Variants in LOC400499 observed in about 807,000 individuals in gnomAD.
chr16:11,488,789 A>G, the LOC400499 span: 1 of 398,908 alleles, frequency 2.5e-6, no homozygotes, highest in Non-Finnish European at 4.4e-6. Context: ...GTCCTCGGGG[A>G]GGGTGTCCCG....
the LOC400499 span, among the ~76,000 whole-genome samples, chr16:11,425,998 A>T: frequency 5.9e-5 from 9 of 152,240 alleles, no homozygotes; most frequent in Non-Finnish European, 1.5e-5. Flanking sequence ...AAAGAAAAAA[A>T]TGCAGGGAAT....
chr16:11,459,314 A>C, the LOC400499 span, among the ~76,000 whole-genome samples: 1 of 145,916 alleles, frequency 6.9e-6, no homozygotes, highest in Non-Finnish European at 1.5e-5. Flanking sequence ...CTCCTGCCTC[A>C]GCCTCCCGAG....
At chr16:11,445,258 T>C in the LOC400499 span, among the ~76,000 whole-genome samples, 2 of 151,896 alleles carry the variant, frequency 1.3e-5, no homozygotes, top group Non-Finnish European at 2.9e-5. Flanking sequence ...CAGTCTCTAC[T>C]AAAAATACAA....
At chr16:11,392,555 T>TC in the LOC400499 span, 109 of 387,128 alleles carry the variant, frequency 2.8e-4, 1 homozygote, top group Middle Eastern at 6.3e-4. Context: ...GGCTGCCCAC[T>TC]CCCCCTCCAC....
the LOC400499 span, among the ~76,000 whole-genome samples, chr16:11,386,886 G>A: frequency 6.6e-6 from 1 of 152,330 alleles, no homozygotes; most frequent in South Asian, 2.1e-4. Context: ...GGAGGGAGCT[G>A]GCCTGAAGCC....
chr16:11,389,376 TG>T, the LOC400499 span, among the ~76,000 whole-genome samples: 30 of 152,228 alleles, frequency 2.0e-4, no homozygotes, highest in African/African-American at 7.2e-4. Context: ...GGTTTTTGTG[TG>T]TTAAAAAGAT....
At chr16:11,410,183 G>C in the LOC400499 span, among the ~76,000 whole-genome samples, 3,656 of 152,320 alleles carry the variant, frequency 0.024, 52 homozygotes, top group Non-Finnish European at 0.034. Flanking sequence ...GCTGGGCGCA[G>C]TGGCTCACGC....
chr16:11,500,787 G>C, the LOC400499 span: 3 of 399,168 alleles, frequency 7.5e-6, no homozygotes, highest in Admixed American at 4.4e-5. Flanking sequence ...GGCCCCGGGT[G>C]GGGTGCAGGG....
At chr16:11,469,457 G>C in the LOC400499 span, 2 of 398,976 alleles carry the variant, frequency 5.0e-6, no homozygotes, top group Non-Finnish European at 8.8e-6. Context: ...CCTGCCCCGG[G>C]TGTGGCACCG....
the LOC400499 span, among the ~76,000 whole-genome samples, chr16:11,496,703 C>A: frequency 2.0e-5 from 3 of 152,036 alleles, no homozygotes; most frequent in Non-Finnish European, 4.4e-5. Context: ...TGTGTGCCCA[C>A]GCACAGCCCA....
chr16:11,427,876 G>A, the LOC400499 span, among the ~76,000 whole-genome samples: 4 of 152,166 alleles, frequency 2.6e-5, no homozygotes, highest in Non-Finnish European at 4.4e-5. Context: ...ATCTATTTGG[G>A]TGTAAGGTGT....
chr16:11,514,544 G>A, the LOC400499 span: 7 of 400,046 alleles, frequency 1.7e-5, no homozygotes, highest in Non-Finnish European at 2.6e-5. Context: ...GCCGGGCTGC[G>A]GACCAAGAGG....
chr16:11,406,683 C>T, the LOC400499 span, among the ~76,000 whole-genome samples: 2 of 152,232 alleles, frequency 1.3e-5, no homozygotes, highest in Non-Finnish European at 2.9e-5. Flanking sequence ...CCACCCGCCT[C>T]GGCCTCCCAA....
At chr16:11,485,173 G>A in the LOC400499 span, 3 of 397,970 alleles carry the variant, frequency 7.5e-6, no homozygotes, top group East Asian at 3.6e-5. Context: ...CAGAAGGCTT[G>A]AGCACGGCAC....
At chr16:11,388,189 G>A in the LOC400499 span, among the ~76,000 whole-genome samples, 1 of 152,106 alleles carries the variant, frequency 6.6e-6, no homozygotes, top group Non-Finnish European at 1.5e-5. Flanking sequence ...TCTGCCACCT[G>A]AATCCATGTT....
At chr16:11,447,407 C>T in the LOC400499 span, among the ~76,000 whole-genome samples, 4 of 152,136 alleles carry the variant, frequency 2.6e-5, no homozygotes, top group Non-Finnish European at 5.9e-5. Flanking sequence ...CGGTTCTCTG[C>T]CATTTTCCAT....
the LOC400499 span, among the ~76,000 whole-genome samples, chr16:11,485,635 T>C: frequency 6.6e-6 from 1 of 152,194 alleles, no homozygotes; most frequent in Non-Finnish European, 1.5e-5. Context: ...CCTCTCCACC[T>C]TCCATCTTTT....
At chr16:11,411,551 T>A in the LOC400499 span, among the ~76,000 whole-genome samples, 3 of 152,202 alleles carry the variant, frequency 2.0e-5, no homozygotes, top group Non-Finnish European at 4.4e-5. Flanking sequence ...ATTTGAGTCC[T>A]GGCTTGGCCT....
the LOC400499 span, among the ~76,000 whole-genome samples, chr16:11,513,360 C>T: frequency 6.8e-6 from 1 of 147,888 alleles, no homozygotes; most frequent in South Asian, 2.1e-4. Context: ...GAGCCATGAT[C>T]AGACCACTGC....
Sources: gnomAD v4.1 joint callset for allele counts (sites outside exome capture counted in the v4.1 genomes callset) on GRCh38, gnomAD v4.1.1 for gene constraint, MANE v1.5 for transcripts.